Variants in IFT140 observed in about 807,000 individuals in gnomAD.
IFT140 encodes intraflagellar transport 140.
A neutral mutation model predicts 164.6 loss-of-function variants in IFT140; 133 were observed. The observed-to-expected ratio is 0.81, with a 90% CI of 0.70 to 0.93. The LOEUF (loss-of-function observed/expected upper bound fraction) is 0.93. Among genes scored for constraint, IFT140 ranks in the 40% least tolerant of loss-of-function variants. The pLI is 0.00. For synonymous variants in IFT140, 860 were observed against 817.3 expected (o/e 1.05, Z -0.89); for missense variants, 2,045 against 1,972.3 (o/e 1.04, Z -0.70).
At chr16:1,548,739 G>A (rs1165275881) in intron 19 of IFT140, among the ~76,000 whole-genome samples, 1 of 152,222 alleles carries the variant, frequency 6.6e-6, no homozygotes, top group Non-Finnish European at 1.5e-5. Flanking sequence ...AGGTGGGAAG[G>A]ACAGAAGTAA....
chr16:1,528,870 TC>T (rs1567334652), intron 19 of IFT140: 2 of 152,112 alleles, frequency 1.3e-5, no homozygotes, highest in South Asian at 4.1e-4. Flanking sequence ...AAGGAGGGGC[TC>T]GGGAGGACAG....
intron 13 of IFT140, among the ~76,000 whole-genome samples, chr16:1,575,231 C>T (rs1391660976): frequency 6.6e-6 from 1 of 151,430 alleles, no homozygotes; most frequent in Non-Finnish European, 1.5e-5. Flanking sequence ...CAAAATTAGC[C>T]AGGCATGGTG....
rs1257474768 is a variant in IFT140 at position 1,523,830 on chromosome 16, T to C, written c.3268A>G (p.Lys1090Glu). 6.2e-7 allele frequency: 1 copy of C among 1,612,810 alleles called. No individual in the cohort carries two copies. Among genetic ancestry groups the C allele is most frequent in the Non-Finnish European group, 8.5e-7 (1 of 1,179,924 alleles). The change falls in exon 25 of 31, where the codon AAG (lysine) becomes GAG (glutamate). Residue 1090 changes from lysine (K) to glutamate (E), a missense_variant and splice_region_variant. Coordinates refer to ENST00000426508, the MANE Select transcript of IFT140 (RefSeq NM_014714.4). Reference protein sequence around the residue: ...QMDRAVMLYHKAGHFSKALEL... With the variant: ...QMDRAVMLYHEAGHFSKALEL... The stretch of plus-strand genomic sequence containing the variant: ...CCCCACCGGTGGCCAGCCCTCACCT[T>C]GTGGTACAGCATGACCGCCCTGTCC...
chr16:1,583,345 G>A lies in IFT140; in HGVS notation c.1401C>T (p.Phe467=), dbSNP rs368477699. ...TCCGTATCGCGGCTCCAGAAAGCTCGAAGATCGCCACCTGCCTTCCGTTCC... is the reference window on the plus strand; with the variant it reads ...TCCGTATCGCGGCTCCAGAAAGCTCAAAGATCGCCACCTGCCTTCCGTTCC... ...AVWNGRQVAI[F]ELSGAAIRSA... The change falls in exon 12 of 31, where the codon TTC becomes TTT. Residue 467 remains phenylalanine (F), a synonymous_variant. Transcript: ENST00000426508. 82 of 1,614,150 alleles carry A rather than the reference G, an allele frequency of 5.1e-5. No individual in the cohort carries two copies. The highest frequency in any genetic ancestry group is 1.0e-4 in the Admixed American group (6 of 60,026).
intron 19 of IFT140, among the ~76,000 whole-genome samples, chr16:1,529,656 T>C (rs1247657156): frequency 6.6e-6 from 1 of 152,250 alleles, no homozygotes; most frequent in South Asian, 2.1e-4. Flanking sequence ...GGAAGTCACA[T>C]CTTTACAATG....
Position 1,520,319 on chromosome 16 carries a change from C to T in IFT140, c.3685G>A (p.Gly1229Arg), listed in dbSNP as rs1203959141. 1.1e-5 allele frequency: 17 copies of T among 1,614,054 alleles called. No individual in the cohort carries two copies. The highest frequency in any genetic ancestry group is 2.2e-5 in the South Asian group (2 of 91,088). ...AAGAACGTGATTTTCTCCGTGTCTC[C>T]GGATTTGAGCAGCGCCCTCATGGCC... ...LKAMRALLKS[G>R]DTEKITFFAS... Residue 1229 changes from glycine (G) to arginine (R), a missense_variant, in exon 28 of 31, where the codon GGA (glycine) becomes AGA (arginine). Coordinates refer to ENST00000426508, the MANE Select transcript of IFT140 (RefSeq NM_014714.4).
At position 1,592,473 on chromosome 16, in the gene IFT140, G is replaced by A. The variant is rs866176202; in HGVS notation, c.485C>T (p.Pro162Leu). 2 of 1,614,162 alleles carry A rather than the reference G, an allele frequency of 1.2e-6. No individual in the cohort carries two copies. Among genetic ancestry groups the A allele is most frequent in the South Asian group, 2.2e-5 (2 of 91,068 alleles). Residue 162 changes from proline (P) to leucine (L), a missense_variant, in exon 5 of 31, where the codon CCT becomes CTT. Pro to Leu is a moderately conservative substitution (Grantham distance 98). Coordinates refer to ENST00000426508, the MANE Select transcript of IFT140 (RefSeq NM_014714.4). ...GGGCAAGCCCCACACTTACTCGCCA[G>A]GAGGGGGGAGCCGGAAGATGCAGTG... ...LTHCIFRLPP[P>L]GEDLVQLAKA...
At chr16:1,563,719 TACTCC>T (rs1172334592) in intron 17 of IFT140, among the ~76,000 whole-genome samples, 1 of 152,188 alleles carries the variant, frequency 6.6e-6, no homozygotes, top group Non-Finnish European at 1.5e-5. Context: ...GCAGATGCTC[TACTCC>T]ACGTGAACGA....
intron 19 of IFT140, among the ~76,000 whole-genome samples, chr16:1,537,430 G>A (rs1003839114): frequency 6.6e-6 from 1 of 152,236 alleles, no homozygotes; most frequent in Non-Finnish European, 1.5e-5. Flanking sequence ...GACAGGGGAC[G>A]CGCCCCGGAC....
intron 4 of IFT140, 68 bp downstream of exon 4, chr16:1,602,302 T>C: frequency 7.3e-7 from 1 of 1,372,720 alleles, no homozygotes; most frequent in South Asian, 1.2e-5. Flanking sequence ...ATTTTGATCT[T>C]TCATACTCTC....
intron 19 of IFT140, among the ~76,000 whole-genome samples, chr16:1,544,740 C>T (rs1010922204): frequency 3.9e-5 from 6 of 151,918 alleles, no homozygotes; most frequent in African/African-American, 1.5e-4. Flanking sequence ...GCTCCGCCTC[C>T]CGGGTTCACG....
intron 12 of IFT140, among the ~76,000 whole-genome samples, chr16:1,582,860 A>C (rs1169262235): frequency 6.6e-6 from 1 of 152,226 alleles, no homozygotes; most frequent in Non-Finnish European, 1.5e-5. Flanking sequence ...GTGAGATTGC[A>C]CCACTGCACT....
chr16:1,578,326 A>T (rs951559735), intron 13 of IFT140: 1 of 152,192 alleles, frequency 6.6e-6, no homozygotes, highest in Non-Finnish European at 1.5e-5. Context: ...CGCCCCAGGC[A>T]ATCAGACGCT....
At chr16:1,524,476 C>T in intron 24 of IFT140, 76 bp downstream of exon 24, 2 of 1,557,578 alleles carry the variant, frequency 1.3e-6, no homozygotes, top group South Asian at 1.2e-5. Flanking sequence ...ACGATTCTCT[C>T]TGTCCACTTT....
At chr16:1,516,139 CAAAAAAAAAAAAAAAAAAAAAA>C (rs869165237) in intron 30 of IFT140, among the ~76,000 whole-genome samples, 19 of 45,986 alleles carry the variant, frequency 4.1e-4, no homozygotes, top group South Asian at 2.2e-3. Context: ...AACTCTGTCT[CAAAAAAAAAAAAAAAAAAAAAA>C]AAAAAAAAAA....
chr16:1,536,474 A>G (rs925762463), intron 19 of IFT140, among the ~76,000 whole-genome samples: 8 of 152,166 alleles, frequency 5.3e-5, no homozygotes, highest in African/African-American at 1.2e-4. Flanking sequence ...TGCAACTTGT[A>G]TGGCATCTGC....
intron 19 of IFT140, 46 bp downstream of exon 19, chr16:1,557,888 CG>C (rs1567367955): frequency 1.3e-6 from 2 of 1,568,422 alleles, no homozygotes; most frequent in Non-Finnish European, 8.8e-7. Context: ...AGGAAAGAGC[CG>C]TGAGCACGCG....
At chr16:1,584,131 A>G in intron 11 of IFT140, 86 bp downstream of exon 11, 2 of 1,197,396 alleles carry the variant, frequency 1.7e-6, no homozygotes, top group Non-Finnish European at 2.4e-6. Context: ...CTAACCTGCC[A>G]TCTGGGGCCC....
At chr16:1,511,756 C>G (rs144022666) in intron 30 of IFT140, among the ~76,000 whole-genome samples, 16 of 152,200 alleles carry the variant, frequency 1.1e-4, no homozygotes, top group African/African-American at 3.6e-4. Context: ...GGCAAACATC[C>G]ACACCTGAAA....
Sources: gnomAD v4.1 joint callset for allele counts (sites outside exome capture counted in the v4.1 genomes callset) on GRCh38, gnomAD v4.1.1 for gene constraint, MANE v1.5 for transcripts, NCBI Gene and HGNC (gene_info 2026-07-23, HGNC 2026-07-21) for gene names.